The following RUNX2 variants were observed in gnomAD, a reference collection of about 807,000 sequenced individuals.
RUNX2 encodes the protein runt-related transcription factor 2.
Under a neutral mutation model 51.7 loss-of-function variants are expected in RUNX2, and 10 were observed. That is an observed-to-expected ratio of 0.19 (90% CI 0.12 to 0.33). The LOEUF (loss-of-function observed/expected upper bound fraction) is 0.33, where lower values mean the gene tolerates loss of function less well. Among genes scored for constraint, RUNX2 ranks in the 10% least tolerant of loss-of-function variants. The pLI is 1.00. For missense variants in RUNX2, 562 were observed against 691.3 expected (o/e 0.81, Z 2.10); for synonymous variants, 276 against 273.6 (o/e 1.01, Z -0.09).
intron 2 of RUNX2, among the ~76,000 whole-genome samples, chr6:45,331,120 T>C (rs978308902): frequency 6.7e-6 from 1 of 149,776 alleles, no homozygotes; most frequent in Non-Finnish European, 1.5e-5. Context: ...TGTGTGTGTG[T>C]GTGTGTGCGC....
At chr6:45,533,146 G>A (rs1186352358) in intron 7 of RUNX2, among the ~76,000 whole-genome samples, 1 of 152,060 alleles carries the variant, frequency 6.6e-6, no homozygotes, top group African/African-American at 2.4e-5. Flanking sequence ...GTGTGTGTGT[G>A]TGTGTGTGTG....
At chr6:45,503,915 C>A (rs1800874476) in intron 6 of RUNX2, among the ~76,000 whole-genome samples, 1 of 152,136 alleles carries the variant, frequency 6.6e-6, no homozygotes, top group Admixed American at 6.5e-5. Context: ...CTCTTCTCTG[C>A]TTATTGTCTT....
intron 7 of RUNX2, among the ~76,000 whole-genome samples, chr6:45,541,253 AC>A (rs1396486757): frequency 6.6e-6 from 1 of 152,218 alleles, no homozygotes; most frequent in African/African-American, 2.4e-5. Flanking sequence ...TCCAAAGCTG[AC>A]TTTATAGTTG....
chr6:45,525,741 T>A (rs936122058), intron 7 of RUNX2, among the ~76,000 whole-genome samples: 2 of 152,164 alleles, frequency 1.3e-5, no homozygotes, highest in African/African-American at 2.4e-5. Flanking sequence ...ACATTTGTAA[T>A]CCTAGCACTT....
chr6:45,413,372 T>C (rs1192717456), intron 2 of RUNX2, among the ~76,000 whole-genome samples: 1 of 150,460 alleles, frequency 6.6e-6, no homozygotes, highest in African/African-American at 2.4e-5. Context: ...AAGGTCAAAA[T>C]TCTGTTATAT....
At chr6:45,401,582 C>T (rs1051375654) in intron 2 of RUNX2, among the ~76,000 whole-genome samples, 1 of 152,194 alleles carries the variant, frequency 6.6e-6, no homozygotes. Flanking sequence ...GCGTACCTCA[C>T]AGGGCTGCCA....
chr6:45,478,673 A>G (rs1398117039), intron 5 of RUNX2, among the ~76,000 whole-genome samples: 1 of 151,788 alleles, frequency 6.6e-6, no homozygotes, highest in African/African-American at 2.4e-5. Flanking sequence ...TATTTGTGGA[A>G]CTCATAGTGA....
intron 7 of RUNX2, among the ~76,000 whole-genome samples, chr6:45,536,925 C>G (rs1343721439): frequency 6.6e-6 from 1 of 152,146 alleles, no homozygotes; most frequent in Admixed American, 6.5e-5. Flanking sequence ...TGGGGTTAAT[C>G]ACGAATTTCA....
intron 2 of RUNX2, among the ~76,000 whole-genome samples, chr6:45,393,323 T>C (rs1053553409): frequency 5.3e-5 from 8 of 152,138 alleles, no homozygotes. Flanking sequence ...CACTGTGTGG[T>C]TTTATGTTTT....
At chr6:45,378,460 A>G (rs1056719323) in intron 2 of RUNX2, among the ~76,000 whole-genome samples, 2 of 152,196 alleles carry the variant, frequency 1.3e-5, no homozygotes, top group East Asian at 3.9e-4. Flanking sequence ...GGGCCGCAGT[A>G]CAGGCGTGTG....
chr6:45,348,619 G>T (rs1384169718), intron 2 of RUNX2, among the ~76,000 whole-genome samples: 1 of 146,280 alleles, frequency 6.8e-6, no homozygotes, highest in Non-Finnish European at 1.5e-5. Flanking sequence ...AGGTTGCAGT[G>T]AGCCAAGATC....
chr6:45,492,183 G>A, intron 6 of RUNX2, 69 bp downstream of exon 6: 2 of 1,501,470 alleles, frequency 1.3e-6, no homozygotes, highest in Non-Finnish European at 1.9e-6. Flanking sequence ...TACCAGAGGA[G>A]ATGTGTTCAC....
rs73735381 is a variant in RUNX2, at chr6:45,351,320, A to G, written c.58+22536A>G. Among the ~76,000 whole-genome samples the G allele has an allele frequency of 7.2e-3, 1,097 of 152,196 alleles. 19 individuals are homozygous for G. The highest frequency in any genetic ancestry group is 0.025 in the African/African-American group (1,045 of 41,516). ...TAACCCATCAAGATCACAACTTCCT[A>G]TGCATTCTACTAAATTCAACACCTA... On this transcript the variant is annotated intron_variant, in intron 2 of 8. Coordinates refer to ENST00000647337, the MANE Select transcript of RUNX2 (RefSeq NM_001024630.4).
intron 6 of RUNX2, among the ~76,000 whole-genome samples, chr6:45,496,432 T>C (rs181152167): frequency 7.9e-4 from 120 of 152,274 alleles, no homozygotes; most frequent in Non-Finnish European, 1.2e-3. Context: ...AGTCAATAAA[T>C]AGGTAAATAA....
chr6:45,489,370 GA>G (rs1255701080), intron 5 of RUNX2, among the ~76,000 whole-genome samples: 1 of 152,134 alleles, frequency 6.6e-6, no homozygotes, highest in Non-Finnish European at 1.5e-5. Context: ...TATTACTCCT[GA>G]AAACGCTGGG....
intron 3 of RUNX2, among the ~76,000 whole-genome samples, chr6:45,429,910 A>G (rs997647308): frequency 2.0e-5 from 3 of 152,096 alleles, no homozygotes; most frequent in Non-Finnish European, 4.4e-5. Context: ...CCTGGCCAAC[A>G]TGGTGAAACC....
intron 7 of RUNX2, among the ~76,000 whole-genome samples, chr6:45,524,066 A>G (rs1473678898): frequency 6.6e-6 from 1 of 152,244 alleles, no homozygotes; most frequent in Non-Finnish European, 1.5e-5. Flanking sequence ...TCATTTGTGG[A>G]CAACACTTTG....
chr6:45,540,225 TG>T (rs1420975726), intron 7 of RUNX2, among the ~76,000 whole-genome samples: 1 of 152,222 alleles, frequency 6.6e-6, no homozygotes, highest in Non-Finnish European at 1.5e-5. Flanking sequence ...ATTACAGAAT[TG>T]CTCAGATATG....
chr6:45,541,751 G>A (rs956635747), intron 7 of RUNX2, among the ~76,000 whole-genome samples: 8 of 152,216 alleles, frequency 5.3e-5, no homozygotes, highest in Admixed American at 2.6e-4. Context: ...CTGCTGGGAT[G>A]TGTGAATGTA....
Sources: gnomAD v4.1 joint callset for allele counts (sites outside exome capture counted in the v4.1 genomes callset) on GRCh38, gnomAD v4.1.1 for gene constraint, MANE v1.5 for transcripts, NCBI Gene and HGNC (gene_info 2026-07-23, HGNC 2026-07-21) for gene names.